SLC22A25: variants seen among roughly 807,000 people sequenced by gnomAD.
The protein encoded by SLC22A25 is solute carrier family 22 member 25.
A neutral mutation model predicts 45.9 loss-of-function variants in SLC22A25; 44 were observed. The ratio of observed to expected loss-of-function variants is 0.96; its 90% CI spans 0.75 to 1.23. The LOEUF (loss-of-function observed/expected upper bound fraction) is 1.23. SLC22A25 is among the 50% of genes most tolerant of loss of function. The pLI is 0.00. For missense variants in SLC22A25, 800 were observed against 666.4 expected, an observed-to-expected ratio of 1.20 and a Z score of -2.21; for synonymous variants, 283 against 238.6, an observed-to-expected ratio of 1.19 and a Z score of -1.72.
At chr11:63,235,363 T>G (rs2090145640) in intron 3 of SLC22A25, among the ~76,000 whole-genome samples, 1 of 152,220 alleles carries the variant, frequency 6.6e-6, no homozygotes, top group Admixed American at 6.5e-5. Context: ...TTTTTTTCTC[T>G]AAACTTCTCT....
At chr11:63,186,021 T>C in intron 7 of SLC22A25, among the ~76,000 whole-genome samples, 1 of 152,026 alleles carries the variant, frequency 6.6e-6, no homozygotes, top group Non-Finnish European at 1.5e-5. Context: ...CATGTGTCTT[T>C]ATAGTAGCAT....
intron 9 of SLC22A25, chr11:63,167,370 T>G (rs984596295): frequency 1.3e-5 from 2 of 152,242 alleles, no homozygotes; most frequent in African/African-American, 4.8e-5. Context: ...GTGGTCTCGC[T>G]CAGCAGGTCC....
chr11:63,183,035 G>A (rs764513377), intron 8 of SLC22A25, among the ~76,000 whole-genome samples: 6 of 151,806 alleles, frequency 4.0e-5, no homozygotes, highest in Non-Finnish European at 8.8e-5. Flanking sequence ...TACCATTTGT[G>A]GCATACTATA....
chr11:63,235,404 A>C (rs2090146156), intron 3 of SLC22A25, among the ~76,000 whole-genome samples: 1 of 152,052 alleles, frequency 6.6e-6, no homozygotes, highest in South Asian at 2.1e-4. Context: ...TTGATCTTCC[A>C]TCACTCATAC....
intron 10 of SLC22A25, among the ~76,000 whole-genome samples, chr11:63,165,490 C>G (rs1008422671): frequency 3.9e-5 from 6 of 152,190 alleles, no homozygotes; most frequent in Admixed American, 3.3e-4. Flanking sequence ...TTGTCTCCTT[C>G]CTACTGGACA....
intron 1 of SLC22A25, among the ~76,000 whole-genome samples, chr11:63,241,796 C>G (rs565352461): frequency 6.6e-6 from 1 of 152,186 alleles, no homozygotes; most frequent in Non-Finnish European, 1.5e-5. Flanking sequence ...AGGGTATGCA[C>G]TGAGGTGAGG....
chr11:63,174,017 C>A (rs1403467553), intron 9 of SLC22A25, among the ~76,000 whole-genome samples: 1 of 151,406 alleles, frequency 6.6e-6, no homozygotes, highest in Non-Finnish European at 1.5e-5. Flanking sequence ...TCATCACCTA[C>A]ATTAGGTATT....
chr11:63,234,237 T>G (rs1233766353), intron 3 of SLC22A25, among the ~76,000 whole-genome samples: 1 of 152,158 alleles, frequency 6.6e-6, no homozygotes, highest in African/African-American at 2.4e-5. Context: ...GACAGTGGGG[T>G]GTTAAAGTCT....
intron 10 of SLC22A25, 112 bp downstream of exon 10, chr11:63,165,932 C>A: frequency 7.6e-7 from 1 of 1,317,346 alleles, no homozygotes; most frequent in Admixed American, 2.5e-5. Flanking sequence ...ATCAGGGAAT[C>A]CTGAGAACTC....
At chr11:63,216,371 G>C (rs756362061) in intron 7 of SLC22A25, among the ~76,000 whole-genome samples, 1 of 152,040 alleles carries the variant, frequency 6.6e-6, no homozygotes, top group Non-Finnish European at 1.5e-5. Context: ...CCCATTACTG[G>C]GTATATACCC....
intron 7 of SLC22A25, among the ~76,000 whole-genome samples, chr11:63,189,356 T>C (rs1025436828): frequency 9.2e-5 from 14 of 152,222 alleles, no homozygotes; most frequent in Middle Eastern, 3.2e-3. Flanking sequence ...TATCAGAGAC[T>C]AGGATTGCTA....
At chr11:63,196,650 T>C (rs1247951914) in intron 7 of SLC22A25, among the ~76,000 whole-genome samples, 2 of 152,182 alleles carry the variant, frequency 1.3e-5, no homozygotes. Flanking sequence ...TCCAATATCA[T>C]ACTGAATGGG....
At position 63,243,581 on chromosome 11, in the gene SLC22A25, C is replaced by A. The variant is rs1388633150; in HGVS notation, c.-1143G>T. 3.9e-6 allele frequency: 3 copies of A among 765,970 alleles called. No homozygotes were observed. Among genetic ancestry groups the A allele is most frequent in the Non-Finnish European group, 7.3e-6 (3 of 410,932 alleles). The allele number at this position is 765,970 out of a possible 1,614,324, so 47.4% of individuals were successfully genotyped here. On this transcript the variant is annotated 5_prime_UTR_variant, in exon 1 of 12. Transcript: ENST00000306494. ...CATTTATACCGACAACTCCATCAAG[C>A]CTCAGGAGCTGCTGGAGTGGGAACT...
intron 5 of SLC22A25, 103 bp downstream of exon 5, chr11:63,228,358 G>A (rs1050580167): frequency 4.7e-6 from 4 of 852,380 alleles, no homozygotes; most frequent in Non-Finnish European, 5.5e-6. Context: ...GGGACCAAGG[G>A]AGCAACAGGA....
chr11:63,202,478 C>T (rs1317050039), intron 7 of SLC22A25, among the ~76,000 whole-genome samples: 1 of 152,112 alleles, frequency 6.6e-6, no homozygotes, highest in African/African-American at 2.4e-5. Context: ...GAAGGGTGTC[C>T]AACATTACTG....
intron 5 of SLC22A25, among the ~76,000 whole-genome samples, chr11:63,226,655 A>G (rs2089967817): frequency 6.6e-6 from 1 of 152,166 alleles, no homozygotes; most frequent in South Asian, 2.1e-4. Flanking sequence ...GTTACCACCT[A>G]TATTTGCTAA....
chr11:63,161,791 G>A lies in SLC22A25; in HGVS notation c.*2033C>T, dbSNP rs910532949. ...AAATGGACTAATACAATGATGCAGT[G>A]GAATTGCTGGGTCAAATGTTAGCTC... On this transcript the variant is annotated 3_prime_UTR_variant, in exon 12 of 12. Transcript: ENST00000306494. 4.6e-5 allele frequency among the ~76,000 whole-genome samples: 7 copies of A among 152,144 alleles called. No homozygotes were observed. The highest frequency in any genetic ancestry group is 1.7e-4 in the African/African-American group (7 of 41,428).
chr11:63,236,975 C>T (rs765010608), intron 3 of SLC22A25, among the ~76,000 whole-genome samples: 2 of 152,160 alleles, frequency 1.3e-5, no homozygotes, highest in Non-Finnish European at 2.9e-5. Context: ...AATTCCATGT[C>T]ATGAAATATC....
rs376872326 is a variant in SLC22A25, at chr11:63,194,398, C to T, written c.831-10581G>A. Among the ~76,000 whole-genome samples the T allele has an allele frequency of 1.8e-4, 27 of 152,082 alleles. 1 individual carries two copies. The East Asian group carries it at 2.3e-3, about 13-fold the overall frequency. On this transcript the variant is annotated intron_variant, in intron 7 of 11. Coordinates refer to ENST00000306494, the MANE Select transcript of SLC22A25 (RefSeq NM_199352.6). ...AAGTTGAAGGAAAAAATGTTAAGGG[C>T]AGCCACAGAGAAAGGTCGGGTAAAG...
Sources: allele counts gnomAD v4.1 joint callset (sites outside exome capture counted in the v4.1 genomes callset), GRCh38; gene constraint gnomAD v4.1.1; transcripts MANE v1.5; gene names NCBI Gene and HGNC (gene_info 2026-07-23, HGNC 2026-07-21).